NCKAP5: variants seen among roughly 807,000 people sequenced by gnomAD.
NCKAP5 encodes the protein NCK associated protein 5.
A neutral mutation model predicts 167.0 loss-of-function variants in NCKAP5; 92 were observed. That is an observed-to-expected ratio of 0.55 (90% CI 0.47 to 0.66). The LOEUF (loss-of-function observed/expected upper bound fraction) is 0.66, where lower values mean the gene tolerates loss of function less well. NCKAP5 is among the 30% of genes least tolerant of loss of function. The probability of loss-of-function intolerance (pLI) is 0.00; values close to 1 mark genes in which losing one functional copy is unlikely to be tolerated. For missense variants in NCKAP5, 2,378 were observed against 2,315.0 expected (o/e 1.03, Z -0.56); for synonymous variants, 891 against 877.4 (o/e 1.02, Z -0.27).
At chr2:133,654,079 T>C in the NCKAP5 span, among the ~76,000 whole-genome samples, 1 of 152,070 alleles carries the variant, frequency 6.6e-6, no homozygotes, top group South Asian at 2.1e-4. Flanking sequence ...TACTACATCA[T>C]ATGCAAGTTC....
chr2:133,107,357 C>G (rs1398684642), intron 6 of NCKAP5, among the ~76,000 whole-genome samples: 4 of 152,186 alleles, frequency 2.6e-5, no homozygotes, highest in Admixed American at 6.5e-5. Context: ...AGCTGTATTA[C>G]TGTAAAGTTG....
At chr2:133,448,918 C>T (rs1691379396) in intron 3 of NCKAP5, among the ~76,000 whole-genome samples, 1 of 152,232 alleles carries the variant, frequency 6.6e-6, no homozygotes, top group Non-Finnish European at 1.5e-5. Flanking sequence ...CTGTAGCCAT[C>T]TTTCTCCTTT....
At chr2:133,533,805 T>C (rs1405400893) in intron 2 of NCKAP5, among the ~76,000 whole-genome samples, 1 of 152,200 alleles carries the variant, frequency 6.6e-6, no homozygotes, top group Non-Finnish European at 1.5e-5. Context: ...ATATATGACA[T>C]TGCAGCCCAG....
chr2:133,172,980 G>A (rs922467551), intron 5 of NCKAP5, among the ~76,000 whole-genome samples: 4 of 152,058 alleles, frequency 2.6e-5, no homozygotes, highest in South Asian at 2.1e-4. Flanking sequence ...CCACCGTGAC[G>A]GGCTATCATA....
chr2:132,695,360 T>A (rs1687203588), intron 19 of NCKAP5, among the ~76,000 whole-genome samples: 1 of 152,016 alleles, frequency 6.6e-6, no homozygotes, highest in Non-Finnish European at 1.5e-5. Context: ...CCCTGGAAGG[T>A]CGGTTGAGAG....
intron 5 of NCKAP5, among the ~76,000 whole-genome samples, chr2:133,209,466 C>A (rs928758916): frequency 9.3e-5 from 14 of 150,152 alleles, no homozygotes; most frequent in East Asian, 1.9e-4. Context: ...AACAAACAAA[C>A]AAAAAAACAG....
the NCKAP5 span, among the ~76,000 whole-genome samples, chr2:133,575,280 T>A: frequency 2.6e-5 from 4 of 152,244 alleles, no homozygotes; most frequent in Admixed American, 2.6e-4. Context: ...GGTGATTGAT[T>A]TGAAACACAT....
At chr2:133,511,518 A>G (rs1683492448) in intron 3 of NCKAP5, among the ~76,000 whole-genome samples, 1 of 152,030 alleles carries the variant, frequency 6.6e-6, no homozygotes, top group Non-Finnish European at 1.5e-5. Flanking sequence ...CTCCACCTCC[A>G]CCCACTCTCA....
At chr2:132,770,671 A>C (rs1370460428) in intron 16 of NCKAP5, among the ~76,000 whole-genome samples, 1 of 152,118 alleles carries the variant, frequency 6.6e-6, no homozygotes, top group Non-Finnish European at 1.5e-5. Flanking sequence ...ACCATCCAAC[A>C]GAACACTGAT....
intron 8 of NCKAP5, among the ~76,000 whole-genome samples, chr2:132,889,640 G>T (rs1212159031): frequency 2.6e-5 from 4 of 152,150 alleles, no homozygotes; most frequent in Admixed American, 6.6e-5. Context: ...TGACAAAGGT[G>T]CACATTGGAC....
At chr2:132,771,697 G>C (rs1682067130) in intron 16 of NCKAP5, among the ~76,000 whole-genome samples, 1 of 150,146 alleles carries the variant, frequency 6.7e-6, no homozygotes, top group East Asian at 2.0e-4. Context: ...TTTTGAGACA[G>C]AGTCTCGCTC....
intron 18 of NCKAP5, 21 bp from the exon 19 acceptor site, chr2:132,725,780 T>C (rs1490077957): frequency 6.2e-7 from 1 of 1,610,244 alleles, no homozygotes. Context: ...AATATGAGAC[T>C]GTTAAGATAA....
intron 2 of NCKAP5, among the ~76,000 whole-genome samples, chr2:133,525,863 A>G (rs1369935879): frequency 6.6e-6 from 1 of 152,002 alleles, no homozygotes; most frequent in Non-Finnish European, 1.5e-5. Context: ...ACATTCTCCA[A>G]CTGCCACTTA....
At chr2:133,054,832 C>T (rs2079738715) in intron 6 of NCKAP5, among the ~76,000 whole-genome samples, 1 of 152,142 alleles carries the variant, frequency 6.6e-6, no homozygotes, top group Non-Finnish European at 1.5e-5. Context: ...TCAGGAAAAT[C>T]ACGAGTCATA....
chr2:133,386,226 C>T (rs542854230), intron 3 of NCKAP5, among the ~76,000 whole-genome samples: 2 of 152,226 alleles, frequency 1.3e-5, no homozygotes, highest in East Asian at 3.9e-4. Context: ...TAAATGTGTC[C>T]CAGAGATTCT....
chr2:132,934,663 T>A (rs1001548090), intron 8 of NCKAP5, among the ~76,000 whole-genome samples: 9 of 152,194 alleles, frequency 5.9e-5, no homozygotes, highest in African/African-American at 1.9e-4. Flanking sequence ...TTAAATCAAT[T>A]TATTTTACCT....
intron 19 of NCKAP5, among the ~76,000 whole-genome samples, chr2:132,692,784 C>G (rs1039975725): frequency 2.0e-5 from 3 of 152,142 alleles, no homozygotes; most frequent in Non-Finnish European, 4.4e-5. Flanking sequence ...AGTTATTACA[C>G]GAGCTAAGTT....
chr2:133,649,469 A>G, the NCKAP5 span, among the ~76,000 whole-genome samples: 10 of 151,978 alleles, frequency 6.6e-5, no homozygotes, highest in Non-Finnish European at 1.5e-4. Flanking sequence ...AATAAATATA[A>G]ATGCAAAAGT....
intron 12 of NCKAP5, among the ~76,000 whole-genome samples, chr2:132,793,548 A>G (rs911664196): frequency 3.9e-5 from 6 of 152,242 alleles, no homozygotes; most frequent in Non-Finnish European, 5.9e-5. Flanking sequence ...AGGTGCTTCA[A>G]TGCTGCTATT....
Sources: gnomAD v4.1 joint callset for allele counts (sites outside exome capture counted in the v4.1 genomes callset) on GRCh38, gnomAD v4.1.1 for gene constraint, MANE v1.5 for transcripts, NCBI Gene and HGNC (gene_info 2026-07-23, HGNC 2026-07-21) for gene names.